EXD3: variants seen among roughly 807,000 people sequenced by gnomAD.
EXD3 encodes exonuclease mut-7 homolog.
Under a neutral mutation model 98.0 loss-of-function variants are expected in EXD3, and 92 were observed. The observed-to-expected ratio is 0.94, with a 90% CI of 0.79 to 1.12. The LOEUF is 1.12. EXD3 is among the 50% of genes most tolerant of loss of function. The probability of loss-of-function intolerance (pLI) is 0.00; values close to 1 mark genes in which losing one functional copy is unlikely to be tolerated. For synonymous variants in EXD3, 569 were observed against 526.0 expected (o/e 1.08, Z -1.12); for missense variants, 1,222 against 1,191.6 (o/e 1.03, Z -0.38).
chr9:137,325,496 A>T (rs1588251737), intron 17 of EXD3, among the ~76,000 whole-genome samples: 1 of 151,900 alleles, frequency 6.6e-6, no homozygotes, highest in Admixed American at 6.6e-5. Context: ...GCAGTGGCAC[A>T]ATCTCGGCTC....
At chr9:137,394,716 C>T (rs568832101) in intron 2 of EXD3, among the ~76,000 whole-genome samples, 5 of 152,334 alleles carry the variant, frequency 3.3e-5, no homozygotes, top group African/African-American at 9.6e-5. Context: ...AGCGGGGATG[C>T]GGCCTCCCCG....
At chr9:137,357,260 T>C (rs11507680) in intron 7 of EXD3, 3,738 of 152,270 alleles carry the variant, frequency 0.025, 88 homozygotes, top group Middle Eastern at 0.062. Flanking sequence ...CACAAACCTG[T>C]TAAGTCCGGC....
intron 3 of EXD3, among the ~76,000 whole-genome samples, chr9:137,375,965 C>A (rs1043807259): frequency 6.6e-6 from 1 of 152,100 alleles, no homozygotes; most frequent in Non-Finnish European, 1.5e-5. Flanking sequence ...AGCAACTACC[C>A]CCATTTTACT....
chr9:137,330,592 GACTACAC>G (rs1564482294), intron 17 of EXD3, among the ~76,000 whole-genome samples: 137 of 126,054 alleles, frequency 1.1e-3, no homozygotes, highest in South Asian at 2.3e-3. Flanking sequence ...GACTACACAG[GACTACAC>G]AGGACTACAC....
rs1318022123 is a variant in EXD3 at position 137,403,153 on chromosome 9, C to T, written c.-47-7749G>A. On this transcript the variant is annotated intron_variant, in intron 1 of 21. Transcript: ENST00000340951. This position sits in a 1 kb window ranked among gnomAD's most constrained non-coding sequence, Gnocchi z 6.1. The stretch of plus-strand genomic sequence containing the variant: ...TGCAGGATCCCCGGCGCTGACCCCT[C>T]TCCCCTCCATGGCAGTGTGGGGACT... Among the ~76,000 whole-genome samples, 2 of 152,008 alleles carry T rather than the reference C, an allele frequency of 1.3e-5. No homozygotes were observed. Among genetic ancestry groups the T allele is most frequent in the Non-Finnish European group, 2.9e-5 (2 of 68,006 alleles).
At chr9:137,406,296 AAAAAAGAAAAAG>A (rs1564214743) in intron 1 of EXD3, among the ~76,000 whole-genome samples, 3 of 151,624 alleles carry the variant, frequency 2.0e-5, no homozygotes. Flanking sequence ...AAAAGGAAAA[AAAAAAGAAAAAG>A]AAAAGAAAAA....
intron 5 of EXD3, among the ~76,000 whole-genome samples, chr9:137,369,243 G>T (rs966214498): frequency 6.6e-6 from 1 of 151,838 alleles, no homozygotes; most frequent in Non-Finnish European, 1.5e-5. Context: ...GTGGGCTTAC[G>T]GCTGTGAGCA....
At chr9:137,308,308 C>T (rs948462189) in intron 20 of EXD3, among the ~76,000 whole-genome samples, 1 of 152,136 alleles carries the variant, frequency 6.6e-6, no homozygotes, top group African/African-American at 2.4e-5. Context: ...TCAGCTGCGG[C>T]CGGGGATGAA....
chr9:137,357,843 C>T (rs917861852), intron 7 of EXD3, among the ~76,000 whole-genome samples: 5 of 151,822 alleles, frequency 3.3e-5, no homozygotes, highest in South Asian at 2.1e-4. Flanking sequence ...AGAGCCAGCC[C>T]GAGTCTCAAA....
In EXD3 at chr9:137,307,030, G is replaced by A; in HGVS notation, c.2551C>T (p.His851Tyr). 6.2e-7 allele frequency: 1 copy of A among 1,612,244 alleles called. No individual in the cohort carries two copies. The highest frequency in any genetic ancestry group is 8.5e-7 in the Non-Finnish European group (1 of 1,179,640). ...GCGCTCTCCAGCATGTCTCGGAAGT[G>A]GGTGGCAACACGACCCAGGTGGGAG... The part of the protein sequence containing the change: ...DGSHLGRVAT[H>Y]FRDMLESAPS... The change falls in exon 22 of 22, where the codon CAC becomes TAC. Residue 851 changes from histidine (H) to tyrosine (Y), a missense_variant. Physicochemically the swap from His to Tyr is moderately conservative, Grantham distance 83. Transcript: ENST00000340951.
chr9:137,335,764 G>A (rs1483170383), intron 17 of EXD3, among the ~76,000 whole-genome samples: 1 of 152,132 alleles, frequency 6.6e-6, no homozygotes, highest in Non-Finnish European at 1.5e-5. Context: ...CAGATCTACC[G>A]TGTGCTCCAG....
chr9:137,326,107 G>C (rs1832389117), intron 17 of EXD3, among the ~76,000 whole-genome samples: 2 of 150,050 alleles, frequency 1.3e-5, no homozygotes, highest in South Asian at 4.2e-4. Flanking sequence ...ACTCTTAGAA[G>C]AAGACACAGG....
Position 137,355,469 on chromosome 9 carries a change from G to A in EXD3, c.758-696C>T, listed in dbSNP as rs1471714667. On this transcript the variant is annotated intron_variant, in intron 8 of 21. Coordinates refer to ENST00000340951, the MANE Select transcript of EXD3 (RefSeq NM_017820.5). Reference sequence around the variant, plus strand: ...GGAGGATGGAGGAAGGAGAAAGGAGGAAGGAGGAAGGAGGAAGGAGGATGG... The same window carrying A: ...GGAGGATGGAGGAAGGAGAAAGGAGAAAGGAGGAAGGAGGAAGGAGGATGG... 3.0e-3 allele frequency among the ~76,000 whole-genome samples: 348 copies of A among 116,878 alleles called. 3 individuals are homozygous for A. Among genetic ancestry groups the A allele is most frequent in the African/African-American group, 0.012 (292 of 24,390 alleles). The allele number at this position is 116,878 out of a possible 152,430, so 76.7% of individuals were successfully genotyped here.
At position 137,357,872 on chromosome 9, in the gene EXD3, T is replaced by C. The variant is rs559343375; in HGVS notation, c.657-1504A>G. Among the ~76,000 whole-genome samples the C allele has an allele frequency of 2.3e-3, 355 of 151,982 alleles. 3 individuals carry two copies. The highest frequency in any genetic ancestry group is 0.014 in the Middle Eastern group (4 of 294). On this transcript the variant is annotated intron_variant, in intron 7 of 21. Coordinates refer to ENST00000340951, the MANE Select transcript of EXD3 (RefSeq NM_017820.5). ...TCTCAAAGCTGAAGAACTTAGAGTC[T>C]GATGTTCGAGGGCAGGAGACGTCCA...
At chr9:137,345,215 G>A (rs546011377) in intron 17 of EXD3, among the ~76,000 whole-genome samples, 38 of 152,376 alleles carry the variant, frequency 2.5e-4, no homozygotes, top group Middle Eastern at 6.8e-3. Flanking sequence ...GCTCTCGCCC[G>A]GAATGCTTTC....
chr9:137,402,290 A>C (rs1225666955), intron 1 of EXD3, among the ~76,000 whole-genome samples: 2 of 152,324 alleles, frequency 1.3e-5, no homozygotes, highest in Admixed American at 6.5e-5. Flanking sequence ...TGGGGATTAC[A>C]GGTGTGAGCC....
At chr9:137,333,957 C>T (rs1471008365) in intron 17 of EXD3, among the ~76,000 whole-genome samples, 1 of 152,128 alleles carries the variant, frequency 6.6e-6, no homozygotes, top group Non-Finnish European at 1.5e-5. Flanking sequence ...ATTCTCCTGC[C>T]TCAGCCTCCC....
intron 8 of EXD3, among the ~76,000 whole-genome samples, chr9:137,355,504 G>GAAGGGAGGAAGGAGA (rs1834632262): frequency 1.4e-5 from 1 of 71,710 alleles, no homozygotes; most frequent in South Asian, 5.0e-4. Context: ...GAGGAAGGAG[G>GAAGGGAGGAAGGAGA]AAGGAGGAAG....
Position 137,324,015 on chromosome 9 carries a change from G to T in EXD3, c.2052+75C>A. ...GGCCCCACGGCAAGCTGACCCTGAGGTGGGGGTGGCCGAGGGGCTGGGGGC... is the reference window on the plus strand; with the variant it reads ...GGCCCCACGGCAAGCTGACCCTGAGTTGGGGGTGGCCGAGGGGCTGGGGGC... On this transcript the variant is annotated intron_variant, in intron 18 of 21. Transcript: ENST00000340951. The surrounding 1 kb of genome is among the most constrained non-coding windows in gnomAD (Gnocchi z 4.1). 6.5e-7 allele frequency: 1 copy of T among 1,539,722 alleles called. No homozygotes were observed. The highest frequency in any genetic ancestry group is 8.8e-7 in the Non-Finnish European group (1 of 1,137,640).
Sources: gnomAD v4.1 joint callset for allele counts (sites outside exome capture counted in the v4.1 genomes callset) on GRCh38, gnomAD v4.1.1 for gene constraint, Gnocchi (gnomAD v3.1) non-coding constraint, MANE v1.5 for transcripts, NCBI Gene and HGNC (gene_info 2026-07-23, HGNC 2026-07-21) for gene names.